Variants in SCUBE3 observed in about 807,000 individuals in gnomAD.
SCUBE3 encodes the protein signal peptide, CUB domain and EGF like domain containing 3.
Under a neutral mutation model 116.8 loss-of-function variants are expected in SCUBE3, and 33 were observed. That is an observed-to-expected ratio of 0.28 (90% CI 0.21 to 0.38). The LOEUF (loss-of-function observed/expected upper bound fraction) is 0.38, where lower values mean the gene tolerates loss of function less well. SCUBE3 is among the 10% of genes least tolerant of loss of function. The pLI, the probability that SCUBE3 is intolerant of heterozygous loss-of-function variation, is 1.00. For missense variants in SCUBE3, 1,007 were observed against 1,324.8 expected, an observed-to-expected ratio of 0.76 and a Z score of 3.72; for synonymous variants, 418 against 496.9, an observed-to-expected ratio of 0.84 and a Z score of 2.11.
intron 1 of SCUBE3, chr6:35,224,352 G>A (rs926872060): frequency 2.0e-5 from 3 of 152,184 alleles, no homozygotes; most frequent in Non-Finnish European, 4.4e-5. Flanking sequence ...CTGTGGCCAG[G>A]TGTAGTGGCT....
At position 35,248,544 on chromosome 6, in the gene SCUBE3, C is replaced by A. The variant is rs971909280; in HGVS notation, c.2833-12C>A. 1.9e-6 allele frequency: 3 copies of A among 1,613,606 alleles called. No homozygotes were observed. On this transcript the variant is annotated splice_polypyrimidine_tract_variant and intron_variant, in intron 21 of 21. Transcript: ENST00000274938. ...CGGTGAGGCTGACATTGCTCCCTGC[C>A]ATCCTTTGCAGGACAAGAAGCTCAT... is the stretch of plus-strand genomic sequence containing the variant.
chr6:35,243,603 C>T lies in SCUBE3; in HGVS notation c.1919C>T (p.Pro640Leu), dbSNP rs771662273. The change falls in exon 16 of 22, where the codon CCG becomes CTG. Residue 640 changes from proline to leucine, a missense_variant. Physicochemically the swap from Pro to Leu is moderately conservative, Grantham distance 98. Transcript: ENST00000274938. The surrounding 1 kb of genome is among the most constrained non-coding windows in gnomAD (Gnocchi z 6.6). ...HRAGTKCVSC[P>L]QGTYYHGQTE... ...GCCGACTCTCCCTCAGTCAGCTGCC[C>T]GCAGGGAACGTATTACCACGGCCAG... is the stretch of plus-strand genomic sequence containing the variant. The T allele has an allele frequency of 6.8e-6, 11 of 1,608,660 alleles. No individual in the cohort carries two copies. The South Asian group carries it at 8.8e-5, about 13-fold the overall frequency.
Position 35,245,993 on chromosome 6 carries a change from TC to T in SCUBE3, c.2652del (p.Ile885LeufsTer40), listed in dbSNP as rs1784321322. 1 of 1,614,128 alleles carries T rather than the reference TC, an allele frequency of 6.2e-7. No individual in the cohort carries two copies. Among genetic ancestry groups the T allele is most frequent in the Non-Finnish European group, 8.5e-7 (1 of 1,180,006 alleles). ...ATGAGACCTGCCAGACCTACGAGCG[TC>T]CCATTGCCTTCACTGCCCGTTCCAG... Reference protein sequence around the residue: ...TYETCQTYERPIAFTARSRKL... With the variant: ...TYETCQTYERXIAFTARSRKL... On this transcript the variant is annotated frameshift_variant, in exon 20 of 22. Coordinates refer to ENST00000274938, the MANE Select transcript of SCUBE3 (RefSeq NM_152753.4). LOFTEE classifies it high-confidence loss of function. This position sits in a 1 kb window ranked among gnomAD's most constrained non-coding sequence, Gnocchi z 4.2.
intron 3 of SCUBE3, among the ~76,000 whole-genome samples, chr6:35,230,871 G>A (rs936924795): frequency 6.6e-6 from 1 of 152,208 alleles, no homozygotes; most frequent in African/African-American, 2.4e-5. Context: ...CCTGGGCCAA[G>A]GCAAACTGAG....
chr6:35,219,186 G>C lies in SCUBE3; in HGVS notation c.85+4683G>C. ...TAGTTCTTACTGTGTCCATGAAGTG[G>C]GTATTTATCCCTGGAAATAGCCCCT... On this transcript the variant is annotated intron_variant, in intron 1 of 21. Coordinates refer to ENST00000274938, the MANE Select transcript of SCUBE3 (RefSeq NM_152753.4). The surrounding 1 kb of genome is among the most constrained non-coding windows in gnomAD (Gnocchi z 4.7). Among the ~76,000 whole-genome samples the C allele has an allele frequency of 6.6e-6, 1 of 152,136 alleles. No homozygotes were observed. The highest frequency in any genetic ancestry group is 2.1e-4 in the South Asian group (1 of 4,824).
chr6:35,241,727 T>G lies in SCUBE3; in HGVS notation c.1312+68T>G. 1 of 1,495,942 alleles carries G rather than the reference T, an allele frequency of 6.7e-7. No individual in the cohort carries two copies. The highest frequency in any genetic ancestry group is 2.3e-5 in the East Asian group (1 of 44,278). The allele number at this position is 1,495,942 out of a possible 1,614,324, so 92.7% of individuals were successfully genotyped here. ...AGGAAGGACTGGCCGTTCAGGCAGC[T>G]CCTTCATTCCCCCTGGATTCCTCCA... On this transcript the variant is annotated intron_variant, in intron 11 of 21. Transcript: ENST00000274938. This position sits in a 1 kb window ranked among gnomAD's most constrained non-coding sequence, Gnocchi z 4.1.
chr6:35,233,351 G>T lies in SCUBE3; in HGVS notation c.712+50G>T. On this transcript the variant is annotated intron_variant, in intron 6 of 21. Coordinates refer to ENST00000274938, the MANE Select transcript of SCUBE3 (RefSeq NM_152753.4). The surrounding 1 kb of genome is among the most constrained non-coding windows in gnomAD (Gnocchi z 5.7). ...AGTCCACCTGAGATGGGGTGGGGGT[G>T]GGACCCTTTGGGAACCAGGGAAGTG... is the stretch of plus-strand genomic sequence containing the variant. 1 of 1,078,552 alleles carries T rather than the reference G, an allele frequency of 9.3e-7. No individual in the cohort carries two copies. Among genetic ancestry groups the T allele is most frequent in the South Asian group, 1.3e-5 (1 of 77,910 alleles). 66.8% of individuals were successfully genotyped at this position (1,078,552 alleles called of 1,614,324 possible). A position where few individuals can be genotyped will look rare whatever the true frequency, so the allele number is the denominator to read the frequency against.
Position 35,228,808 on chromosome 6 carries a change from A to C in SCUBE3, c.334+69A>C. 1 of 1,504,986 alleles carries C rather than the reference A, an allele frequency of 6.6e-7. No individual in the cohort carries two copies. Among genetic ancestry groups the C allele is most frequent in the Non-Finnish European group, 9.2e-7 (1 of 1,083,480 alleles). The allele number at this position is 1,504,986 out of a possible 1,614,324, so 93.2% of individuals were successfully genotyped here. A position where few individuals can be genotyped will look rare whatever the true frequency, so the allele number is the denominator to read the frequency against. On this transcript the variant is annotated intron_variant, in intron 3 of 21. Coordinates refer to ENST00000274938, the MANE Select transcript of SCUBE3 (RefSeq NM_152753.4). This position sits in a 1 kb window ranked among gnomAD's most constrained non-coding sequence, Gnocchi z 4.9. Reference sequence around the variant, plus strand: ...GAAAGAGATCTTTTCAGCATTTCCTATTTCCCAGGGAAGGAGGAGAGAGTG... The same window carrying C: ...GAAAGAGATCTTTTCAGCATTTCCTCTTTCCCAGGGAAGGAGGAGAGAGTG...
At position 35,242,333 on chromosome 6, in the gene SCUBE3, G is replaced by A. The variant is rs1175304283; in HGVS notation, c.1534+13G>A. On this transcript the variant is annotated intron_variant, in intron 13 of 21. Transcript: ENST00000274938. ...ATCACAGGGCCAGGTTTGGACTGGG[G>A]ACCCCATTCCAGTTGGCTGTCTGGC... The A allele has an allele frequency of 6.4e-7, 1 of 1,573,872 alleles. No homozygotes were observed. The highest frequency in any genetic ancestry group is 2.2e-5 in the East Asian group (1 of 44,702).
chr6:35,215,426 C>T (rs1782846494), intron 1 of SCUBE3, among the ~76,000 whole-genome samples: 1 of 152,110 alleles, frequency 6.6e-6, no homozygotes, highest in Admixed American at 6.5e-5. Context: ...CTTGCTGTAC[C>T]CCTCCCCCAT....
chr6:35,246,310 T>C (rs1562061477), intron 21 of SCUBE3, 25 bp downstream of exon 21: 2 of 1,498,930 alleles, frequency 1.3e-6, no homozygotes, highest in Non-Finnish European at 9.3e-7. Flanking sequence ...ACAATAATGA[T>C]AGCTAACATT....
In SCUBE3 at chr6:35,245,094, AAAT is replaced by A. The variant is rs372613783; in HGVS notation, c.2402-130_2402-128del. Reference sequence around the variant, plus strand: ...AAGGAAGATGGACTCAGAGCTTGGAAAATAATGATGAACTAGAACGCAGACTTC... The same window carrying A: ...AAGGAAGATGGACTCAGAGCTTGGAAAATGATGAACTAGAACGCAGACTTC... On this transcript the variant is annotated intron_variant, in intron 18 of 21. Transcript: ENST00000274938. The surrounding 1 kb of genome is among the most constrained non-coding windows in gnomAD (Gnocchi z 4.2). 200 of 842,366 alleles carry A rather than the reference AAAT, an allele frequency of 2.4e-4. 2 individuals carry two copies. In the East Asian group the frequency reaches 4.1e-3, roughly 17 times the overall value. The allele number at this position is 842,366 out of a possible 1,614,324, so 52.2% of individuals were successfully genotyped here.
rs567797790 is a variant in SCUBE3 at position 35,250,817 on chromosome 6, A to G, written c.*2112A>G. 2 of 151,654 alleles carry G rather than the reference A, an allele frequency of 1.3e-5. No individual in the cohort carries two copies. The highest frequency in any genetic ancestry group is 4.2e-4 in the South Asian group (2 of 4,812). 9.4% of individuals were successfully genotyped at this position (151,654 alleles called of 1,614,324 possible). A position where few individuals can be genotyped will look rare whatever the true frequency, so the allele number is the denominator to read the frequency against. On this transcript the variant is annotated 3_prime_UTR_variant, in exon 22 of 22. Coordinates refer to ENST00000274938, the MANE Select transcript of SCUBE3 (RefSeq NM_152753.4). ...CTACTGCTCCCCCAGGAGACTCAAC[A>G]CTAAATAAAGGAGTCTGACTCCCTG...
In SCUBE3 at chr6:35,241,448, T is replaced by A. The variant is rs3800382; in HGVS notation, c.1196-95T>A. The A allele has an allele frequency of 0.04, 45,031 of 1,126,640 alleles. 3,075 individuals carry two copies. The highest frequency in any genetic ancestry group is 0.32 in the East Asian group (13,508 of 42,462). The allele number at this position is 1,126,640 out of a possible 1,614,324, so 69.8% of individuals were successfully genotyped here. ...CAATCCCATCATCAGTCTCCATGGG[T>A]ACAACAATAGTTATGCAAGTAGCTG... On this transcript the variant is annotated intron_variant, in intron 10 of 21. Transcript: ENST00000274938. The surrounding 1 kb of genome is among the most constrained non-coding windows in gnomAD (Gnocchi z 4.1).
At position 35,228,712 on chromosome 6, in the gene SCUBE3, C is replaced by A. The variant is rs1219629736; in HGVS notation, c.307C>A (p.Leu103Met). Residue 103 changes from leucine (L) to methionine (M), a missense_variant, in exon 3 of 22, where the codon CTG (leucine) becomes ATG (methionine). By Grantham distance (15) the Leu-to-Met change is conservative. Coordinates refer to ENST00000274938, the MANE Select transcript of SCUBE3 (RefSeq NM_152753.4). This position sits in a 1 kb window ranked among gnomAD's most constrained non-coding sequence, Gnocchi z 4.9. ...GTGTACCTGCTATGATGGATTCCAC[C>A]TGGCACATGACGGACACAACTGTCT... is the stretch of plus-strand genomic sequence containing the variant. Reference protein sequence around the residue: ...YRCTCYDGFHLAHDGHNCLDV... With the variant: ...YRCTCYDGFHMAHDGHNCLDV... 6.2e-7 allele frequency: 1 copy of A among 1,613,928 alleles called. No individual in the cohort carries two copies. Among genetic ancestry groups the A allele is most frequent in the East Asian group, 2.2e-5 (1 of 44,900 alleles).
Position 35,232,293 on chromosome 6 carries a change from C to T in SCUBE3, c.469+434C>T, listed in dbSNP as rs908580589. 6.6e-6 allele frequency among the ~76,000 whole-genome samples: 1 copy of T among 152,206 alleles called. No homozygotes were observed. Among genetic ancestry groups the T allele is most frequent in the Non-Finnish European group, 1.5e-5 (1 of 68,040 alleles). On this transcript the variant is annotated intron_variant, in intron 4 of 21. Coordinates refer to ENST00000274938, the MANE Select transcript of SCUBE3 (RefSeq NM_152753.4). The surrounding 1 kb of genome is among the most constrained non-coding windows in gnomAD (Gnocchi z 4.2). ...CCACTCCCACTAGACTGTGACATCCCTGAGGGCAGGGACTATGTCTAACTC... is the reference window on the plus strand; with the variant it reads ...CCACTCCCACTAGACTGTGACATCCTTGAGGGCAGGGACTATGTCTAACTC...
At chr6:35,224,248 G>C (rs1321358555) in intron 1 of SCUBE3, 1 of 152,226 alleles carries the variant, frequency 6.6e-6, no homozygotes, top group Non-Finnish European at 1.5e-5. Context: ...GAGACTCTTT[G>C]CTGGAGAGGG....
At position 35,244,022 on chromosome 6, in the gene SCUBE3, C is replaced by G. The variant is rs367956358; in HGVS notation, c.2131C>G (p.Arg711Gly). 4 of 1,614,134 alleles carry G rather than the reference C, an allele frequency of 2.5e-6. No homozygotes were observed. In the South Asian group the frequency reaches 4.4e-5, roughly 18 times the overall value. Residue 711 changes from arginine to glycine, a missense_variant, in exon 17 of 22, where the codon CGT becomes GGT. Around this residue, in one of 5 missense-constraint regions of SCUBE3, gnomAD observed 544 missense variants for 638.9 expected, o/e 0.85. Coordinates refer to ENST00000274938, the MANE Select transcript of SCUBE3 (RefSeq NM_152753.4). This position sits in a 1 kb window ranked among gnomAD's most constrained non-coding sequence, Gnocchi z 4.3. The stretch of plus-strand genomic sequence containing the variant: ...GTTCAAGCCCTGTCAGCCATGCCCA[C>G]GTGGCACCTACCAACCTGAAGCAGG... ...DGFKPCQPCP[R>G]GTYQPEAGRT...
In SCUBE3 at chr6:35,227,602, G is replaced by C; in HGVS notation, c.108G>C (p.Gly36=). The C allele has an allele frequency of 1.9e-6, 3 of 1,614,152 alleles. No homozygotes were observed. Among genetic ancestry groups the C allele is most frequent in the Non-Finnish European group, 2.5e-6 (3 of 1,180,018 alleles). Residue 36 remains glycine, a synonymous_variant, in exon 2 of 22, where the codon GGG becomes GGC. Coordinates refer to ENST00000274938, the MANE Select transcript of SCUBE3 (RefSeq NM_152753.4). ...AAQDVDECVE[G]TDNCHIDAIC... is the part of the protein sequence containing the mutation. ...CAGATGTGGATGAGTGTGTGGAGGG[G>C]ACTGACAACTGCCACATCGATGCTA... is the stretch of plus-strand genomic sequence containing the variant.
Sources: gnomAD v4.1 joint callset for allele counts (sites outside exome capture counted in the v4.1 genomes callset) on GRCh38, gnomAD v4.1.1 for gene constraint, gnomAD v4.1.1 regional missense constraint, Gnocchi (gnomAD v3.1) non-coding constraint, MANE v1.5 for transcripts, NCBI Gene and HGNC (gene_info 2026-07-23, HGNC 2026-07-21) for gene names.